Variants in PTPRN2 observed in about 807,000 individuals in gnomAD.
PTPRN2 encodes the protein protein tyrosine phosphatase receptor type N2.
In PTPRN2, 74 loss-of-function variants were observed where a neutral mutation model predicts 118.8. The ratio of observed to expected loss-of-function variants is 0.62; its 90% confidence interval spans 0.52 to 0.76. The LOEUF (loss-of-function observed/expected upper bound fraction) is 0.76, where lower values mean the gene tolerates loss of function less well. PTPRN2 is among the 30% of genes least tolerant of loss of function. The probability of loss-of-function intolerance (pLI) is 0.00; values close to 1 mark genes in which losing one functional copy is unlikely to be tolerated. For missense variants in PTPRN2, 1,481 were observed against 1,394.4 expected, an observed-to-expected ratio of 1.06 and a Z score of -0.99; for synonymous variants, 641 against 608.0, an observed-to-expected ratio of 1.05 and a Z score of -0.80.
intron 12 of PTPRN2, among the ~76,000 whole-genome samples, chr7:157,725,824 G>A (rs1799554055): frequency 7.7e-6 from 1 of 129,570 alleles, no homozygotes; most frequent in Admixed American, 7.5e-5. Flanking sequence ...ACGCAGAGGA[G>A]TGAGCCAGAC....
intron 12 of PTPRN2, among the ~76,000 whole-genome samples, chr7:157,876,802 G>T (rs1286774523): frequency 6.6e-6 from 1 of 152,206 alleles, no homozygotes; most frequent in Non-Finnish European, 1.5e-5. Context: ...CTGCTGTGTG[G>T]GTGCCAGCAG....
Position 158,529,798 on chromosome 7 carries a change from A to G in PTPRN2, c.113-40013T>C, listed in dbSNP as rs1027171390. Among the ~76,000 whole-genome samples, 2 of 152,182 alleles carry G rather than the reference A, an allele frequency of 1.3e-5. No homozygotes were observed. Among genetic ancestry groups the G allele is most frequent in the African/African-American group, 4.8e-5 (2 of 41,444 alleles). ...GTCTCCCCAGGCCTCCCCAGCCAGCATGAGTTCTCAGCATCTCCTCTACAC... is the reference window on the plus strand; with the variant it reads ...GTCTCCCCAGGCCTCCCCAGCCAGCGTGAGTTCTCAGCATCTCCTCTACAC... On this transcript the variant is annotated intron_variant, in intron 1 of 22. Coordinates refer to ENST00000389418, the MANE Select transcript of PTPRN2 (RefSeq NM_002847.5). The surrounding 1 kb of genome is among the most constrained non-coding windows in gnomAD (Gnocchi z 4.7).
intron 3 of PTPRN2, among the ~76,000 whole-genome samples, chr7:158,233,330 T>G (rs1341093602): frequency 6.6e-6 from 1 of 152,090 alleles, no homozygotes; most frequent in African/African-American, 2.4e-5. Flanking sequence ...CTAAACATAA[T>G]ATAAGATACC....
intron 9 of PTPRN2, among the ~76,000 whole-genome samples, chr7:158,117,685 A>T (rs1816835197): frequency 6.6e-6 from 1 of 152,200 alleles, no homozygotes; most frequent in Non-Finnish European, 1.5e-5. Flanking sequence ...AGAAAGAAGC[A>T]GTTCATCACA....
intron 5 of PTPRN2, among the ~76,000 whole-genome samples, chr7:158,178,510 T>C (rs1046759161): frequency 1.3e-5 from 2 of 151,514 alleles, no homozygotes; most frequent in Admixed American, 6.6e-5. Context: ...TCCATCTAAG[T>C]GGCTGCAAGA....
rs1451712037 is a variant in PTPRN2 at position 158,205,199 on chromosome 7, T to C, written c.352A>G (p.Arg118Gly). 1 of 1,614,052 alleles carries C rather than the reference T, an allele frequency of 6.2e-7. No homozygotes were observed. Residue 118 changes from arginine (R) to glycine (G), a missense_variant, in exon 4 of 23, where the codon AGG (arginine) becomes GGG (glycine). This residue lies in a region of PTPRN2 where 1,115 missense variants were observed against 994.2 expected (regional missense o/e 1.12). Transcript: ENST00000389418. ...ELADLPKTYL[R>G]RPEASSPARP... ...GCTGGGCTGGATGCTTCAGGACGCC[T>C]CAGGTAGGTTTTCGGGAGGTCTGCA...
chr7:158,182,856 T>C (rs1824829518), intron 5 of PTPRN2, among the ~76,000 whole-genome samples: 1 of 152,244 alleles, frequency 6.6e-6, no homozygotes, highest in African/African-American at 2.4e-5. Context: ...TGACTTTCTG[T>C]CTCAATGATC....
chr7:158,348,112 C>A (rs1032716011), intron 2 of PTPRN2, among the ~76,000 whole-genome samples: 3 of 152,144 alleles, frequency 2.0e-5, no homozygotes, highest in Admixed American at 6.5e-5. Context: ...GTGGAAGATT[C>A]TCTCTTTTCA....
intron 2 of PTPRN2, among the ~76,000 whole-genome samples, chr7:158,327,150 C>G (rs1287258080): frequency 7.4e-6 from 1 of 134,848 alleles, no homozygotes; most frequent in East Asian, 2.3e-4. Context: ...TATCCACACA[C>G]GTGCACACAT....
intron 3 of PTPRN2, among the ~76,000 whole-genome samples, chr7:158,286,434 T>C (rs1799775011): frequency 6.6e-6 from 1 of 152,226 alleles, no homozygotes; most frequent in African/African-American, 2.4e-5. Context: ...GTTCCTGATC[T>C]TAGAGGAAAA....
intron 6 of PTPRN2, among the ~76,000 whole-genome samples, chr7:158,145,610 G>A (rs889402392): frequency 2.0e-5 from 3 of 152,222 alleles, no homozygotes; most frequent in Admixed American, 2.0e-4. Context: ...ACCCTGGCCA[G>A]ACGCGGCCAG....
At chr7:157,746,167 G>C (rs553533704) in intron 12 of PTPRN2, among the ~76,000 whole-genome samples, 12 of 134,204 alleles carry the variant, frequency 8.9e-5, no homozygotes, top group Non-Finnish European at 1.8e-4. Context: ...ATGGGACCCT[G>C]AGCATGAAGA....
rs79768429 is a variant in PTPRN2, at chr7:158,499,140, T to G, written c.113-9355A>C. 7.4e-3 allele frequency among the ~76,000 whole-genome samples: 1,120 copies of G among 152,328 alleles called. 17 individuals carry two copies. Among genetic ancestry groups the G allele is most frequent in the African/African-American group, 0.026 (1,062 of 41,580 alleles). On this transcript the variant is annotated intron_variant, in intron 1 of 22. Coordinates refer to ENST00000389418, the MANE Select transcript of PTPRN2 (RefSeq NM_002847.5). Reference sequence around the variant, plus strand: ...AAGACCTTATCATCTCAAGACCCCCTTAGGAAATGTGAGTTATATCATCAT... The same window carrying G: ...AAGACCTTATCATCTCAAGACCCCCGTAGGAAATGTGAGTTATATCATCAT...
chr7:157,573,817 C>T (rs1799878353), intron 19 of PTPRN2, among the ~76,000 whole-genome samples: 1 of 152,166 alleles, frequency 6.6e-6, no homozygotes. Flanking sequence ...CATGTTGTGC[C>T]TGGTGGCCTT....
intron 11 of PTPRN2, among the ~76,000 whole-genome samples, chr7:158,074,547 C>T (rs1474582833): frequency 6.6e-6 from 1 of 152,186 alleles, no homozygotes; most frequent in African/African-American, 2.4e-5. Flanking sequence ...TGCTCCCAAA[C>T]CCCAGCCAAC....
chr7:158,585,211 G>T (rs1023410147), intron 1 of PTPRN2, among the ~76,000 whole-genome samples: 1 of 152,212 alleles, frequency 6.6e-6, no homozygotes, highest in African/African-American at 2.4e-5. Flanking sequence ...TCCGTGGATT[G>T]TGTTCTGACA....
chr7:158,436,014 T>C (rs1254357376), intron 2 of PTPRN2, among the ~76,000 whole-genome samples: 1 of 152,226 alleles, frequency 6.6e-6, no homozygotes, highest in African/African-American at 2.4e-5. Flanking sequence ...ATCATGGCTG[T>C]CATCAACAAT....
At chr7:157,955,696 G>A (rs4716833) in intron 11 of PTPRN2, among the ~76,000 whole-genome samples, 125,823 of 152,202 alleles carry the variant, frequency 0.83, 52,593 homozygotes, top group East Asian at 0.89. Flanking sequence ...AGAAAGACAA[G>A]GAGGGCAAGG....
chr7:158,279,378 C>T (rs1799258131), intron 3 of PTPRN2, among the ~76,000 whole-genome samples: 1 of 152,166 alleles, frequency 6.6e-6, no homozygotes, highest in African/African-American at 2.4e-5. Context: ...TCCAAGTCCC[C>T]ACCCTCCCAG....
Sources: allele counts gnomAD v4.1 joint callset (sites outside exome capture counted in the v4.1 genomes callset), GRCh38; gene constraint gnomAD v4.1.1; regional missense constraint gnomAD v4.1.1; non-coding constraint Gnocchi (gnomAD v3.1); transcripts MANE v1.5; gene names NCBI Gene and HGNC (gene_info 2026-07-23, HGNC 2026-07-21).